The following CPLANE1 variants were observed in gnomAD, a reference collection of about 807,000 sequenced individuals.
CPLANE1 encodes the protein ciliogenesis and planar polarity effector 1.
In CPLANE1, 263 loss-of-function variants were observed where a neutral mutation model predicts 362.5. The ratio of observed to expected loss-of-function variants is 0.73; its 90% confidence interval spans 0.66 to 0.80. The LOEUF is 0.80. CPLANE1 is among the 30% of genes least tolerant of loss of function. The pLI is 0.00. For synonymous variants in CPLANE1, 1,212 were observed against 1,302.6 expected (o/e 0.93, Z 1.50); for missense variants, 3,461 against 3,793.4 (o/e 0.91, Z 2.30).
rs1393827351 is a variant in CPLANE1 at position 37,123,984 on chromosome 5, T to C, written c.8958+1260A>G. ...ACACACAGTCTCTCTCAAACACACA[T>C]GCACACACTTTAAGATTCTGGTCAG... On this transcript the variant is annotated intron_variant, in intron 47 of 52. Coordinates refer to ENST00000651892, the MANE Select transcript of CPLANE1 (RefSeq NM_001384732.1). Among the ~76,000 whole-genome samples, 5 of 140,386 alleles carry C rather than the reference T, an allele frequency of 3.6e-5. 1 individual carries two copies. The highest frequency in any genetic ancestry group is 1.4e-4 in the African/African-American group (5 of 36,764). The allele number at this position is 140,386 out of a possible 152,430, so 92.1% of individuals were successfully genotyped here. A position where few individuals can be genotyped will look rare whatever the true frequency, so the allele number is the denominator to read the frequency against.
rs1232371093 is a variant in CPLANE1, at chr5:37,106,679, A to G, written c.*923T>C. 3.0e-6 allele frequency: 1 copy of G among 334,414 alleles called. No homozygotes were observed. Among genetic ancestry groups the G allele is most frequent in the East Asian group, 1.7e-4 (1 of 5,964 alleles). The allele number at this position is 334,414 out of a possible 1,614,324, so 20.7% of individuals were successfully genotyped here. A position where few individuals can be genotyped will look rare whatever the true frequency, so the allele number is the denominator to read the frequency against. ...CTTGATAGAAGGCAGCTGAATTACC[A>G]TACCTGCTTCTGCATTCAACTTGCT... On this transcript the variant is annotated 3_prime_UTR_variant, in exon 53 of 53. Coordinates refer to ENST00000651892, the MANE Select transcript of CPLANE1 (RefSeq NM_001384732.1).
chr5:37,174,014 G>T, intron 31 of CPLANE1, 67 bp from the exon 32 acceptor site: 3 of 1,310,454 alleles, frequency 2.3e-6, no homozygotes, highest in Non-Finnish European at 3.2e-6. Flanking sequence ...GAATGTCTAT[G>T]ATCAGAATAT....
chr5:37,150,876 T>C (rs1773349780), intron 42 of CPLANE1, among the ~76,000 whole-genome samples: 1 of 152,126 alleles, frequency 6.6e-6, no homozygotes, highest in Non-Finnish European at 1.5e-5. Flanking sequence ...GCCCAGGAAT[T>C]TGCATTCTTA....
intron 17 of CPLANE1, among the ~76,000 whole-genome samples, chr5:37,205,758 G>A (rs189299334): frequency 6.6e-6 from 1 of 152,114 alleles, no homozygotes; most frequent in Non-Finnish European, 1.5e-5. Context: ...CTGTTGCCCA[G>A]GCTGACGTGT....
At chr5:37,215,193 G>A (rs1047556909) in intron 15 of CPLANE1, among the ~76,000 whole-genome samples, 3 of 152,044 alleles carry the variant, frequency 2.0e-5, no homozygotes, top group African/African-American at 7.2e-5. Flanking sequence ...GGGATTATAG[G>A]CACGTGCCAC....
At chr5:37,114,600 T>A (rs1760362065) in intron 51 of CPLANE1, among the ~76,000 whole-genome samples, 1 of 152,172 alleles carries the variant, frequency 6.6e-6, no homozygotes, top group East Asian at 1.9e-4. Context: ...TATAATTTTT[T>A]TAAAATTTAG....
At chr5:37,174,339 A>G (rs1328038400) in intron 31 of CPLANE1, among the ~76,000 whole-genome samples, 1 of 152,220 alleles carries the variant, frequency 6.6e-6, no homozygotes, top group East Asian at 1.9e-4. Context: ...TTTGACTAAA[A>G]TTAATGATCC....
In CPLANE1 at chr5:37,111,434, T is replaced by C. The variant is rs1759298706; in HGVS notation, c.9401-2963A>G. 1.3e-5 allele frequency among the ~76,000 whole-genome samples: 2 copies of C among 152,164 alleles called. 1 individual carries two copies. The highest frequency in any genetic ancestry group is 4.1e-4 in the South Asian group (2 of 4,830). On this transcript the variant is annotated intron_variant, in intron 51 of 52. Coordinates refer to ENST00000651892, the MANE Select transcript of CPLANE1 (RefSeq NM_001384732.1). ...AGCCACCGTGCCCGGCCTAACTTTC[T>C]ATAGGGTGAAGGAAGAATAATACTT... is the stretch of plus-strand genomic sequence containing the variant.
At chr5:37,197,564 C>G (rs753670551) in intron 20 of CPLANE1, among the ~76,000 whole-genome samples, 51 of 152,130 alleles carry the variant, frequency 3.4e-4, no homozygotes, top group Non-Finnish European at 5.3e-4. Context: ...AGACTCTAAG[C>G]AGAGACCTAG....
In CPLANE1 at chr5:37,176,005, A is replaced by G. The variant is rs1275191051; in HGVS notation, c.5901-19T>C. 5.9e-6 allele frequency: 9 copies of G among 1,533,386 alleles called. No homozygotes were observed. The African/African-American group carries it at 8.2e-5, about 14-fold the overall frequency. The allele number at this position is 1,533,386 out of a possible 1,614,324, so 95.0% of individuals were successfully genotyped here. On this transcript the variant is annotated intron_variant, in intron 30 of 52. Coordinates refer to ENST00000651892, the MANE Select transcript of CPLANE1 (RefSeq NM_001384732.1). Reference sequence around the variant, plus strand: ...GATCATACTATCAATAAAAATTAACAGGTGATTAGTAAGCAAGATATTCTT... The same window carrying G: ...GATCATACTATCAATAAAAATTAACGGGTGATTAGTAAGCAAGATATTCTT...
chr5:37,202,906 C>A (rs568222232), intron 18 of CPLANE1, among the ~76,000 whole-genome samples: 3 of 150,948 alleles, frequency 2.0e-5, no homozygotes, highest in Non-Finnish European at 3.0e-5. Context: ...ATGTCCCTAT[C>A]TATTTTGTAT....
chr5:37,202,792 A>G (rs986229971), intron 18 of CPLANE1, among the ~76,000 whole-genome samples: 1 of 152,126 alleles, frequency 6.6e-6, no homozygotes, highest in Non-Finnish European at 1.5e-5. Context: ...GGTAGCCACT[A>G]TCCAGCATTT....
rs191805177 is a variant in CPLANE1, at chr5:37,240,243, G to A, written c.678-374C>T. Reference sequence around the variant, plus strand: ...AGTGCACCTGTAATCCAAGCTATTCGGGAGGCTGAGGCAGGAGAATTGCTT... The same window carrying A: ...AGTGCACCTGTAATCCAAGCTATTCAGGAGGCTGAGGCAGGAGAATTGCTT... On this transcript the variant is annotated intron_variant, in intron 6 of 52. Transcript: ENST00000651892. Among the ~76,000 whole-genome samples, 62 of 152,184 alleles carry A rather than the reference G, an allele frequency of 4.1e-4. No individual in the cohort carries two copies. In the East Asian group the frequency reaches 8.1e-3, roughly 20 times the overall value.
intron 15 of CPLANE1, among the ~76,000 whole-genome samples, chr5:37,219,225 A>T (rs1794824991): frequency 6.6e-6 from 1 of 151,932 alleles, no homozygotes; most frequent in Admixed American, 6.6e-5. Context: ...TAATAAAATA[A>T]TTTTTAAAAA....
the CPLANE1 span, among the ~76,000 whole-genome samples, chr5:37,083,252 C>T: frequency 1.3e-5 from 2 of 152,136 alleles, no homozygotes; most frequent in African/African-American, 4.8e-5. Context: ...CAAGAGAACA[C>T]CCTGCAGGAC....
In CPLANE1 at chr5:37,134,723, G is replaced by A. The variant is rs150769377; in HGVS notation, c.8792+3997C>T. Among the ~76,000 whole-genome samples, 885 of 150,750 alleles carry A rather than the reference G, an allele frequency of 5.9e-3. 6 individuals are homozygous for A. Among genetic ancestry groups the A allele is most frequent in the Admixed American group, 0.01 (156 of 15,146 alleles). On this transcript the variant is annotated intron_variant, in intron 46 of 52. Transcript: ENST00000651892. Reference sequence around the variant, plus strand: ...TCTTGTTTTTCTAGTTCCTCTAGGCGTGATGTTAGATTACTAATGTGAAAT... The same window carrying A: ...TCTTGTTTTTCTAGTTCCTCTAGGCATGATGTTAGATTACTAATGTGAAAT...
Position 37,217,935 on chromosome 5 carries a change from G to A in CPLANE1, c.2746+3389C>T, listed in dbSNP as rs186046755. ...GCAGAGGTTGCAATGAGCCGAGATC[G>A]TGCCTCTGCATTCCAGCCTGGTGAC... On this transcript the variant is annotated intron_variant, in intron 15 of 52. Transcript: ENST00000651892. 3.4e-3 allele frequency among the ~76,000 whole-genome samples: 524 copies of A among 152,038 alleles called. 2 individuals are homozygous for A. The highest frequency in any genetic ancestry group is 0.012 in the African/African-American group (503 of 41,476).
intron 8 of CPLANE1, among the ~76,000 whole-genome samples, chr5:37,238,406 C>A (rs181064742): frequency 0.017 from 2,554 of 151,228 alleles, 34 homozygotes; most frequent in Non-Finnish European, 0.025. Flanking sequence ...TGGTCTCAAA[C>A]TCCTGACCTC....
intron 15 of CPLANE1, among the ~76,000 whole-genome samples, chr5:37,218,819 G>T (rs1794722761): frequency 6.6e-6 from 1 of 151,756 alleles, no homozygotes. Context: ...ATGGTGGCAG[G>T]CGCCTGTAAT....
Sources: allele counts gnomAD v4.1 joint callset (sites outside exome capture counted in the v4.1 genomes callset), GRCh38; gene constraint gnomAD v4.1.1; transcripts MANE v1.5; gene names NCBI Gene and HGNC (gene_info 2026-07-23, HGNC 2026-07-21).